Variants in ARSF observed in about 807,000 individuals in gnomAD.
The protein encoded by ARSF is arylsulfatase F.
A neutral mutation model predicts 35.4 loss-of-function variants in ARSF; 33 were observed. That is an observed-to-expected ratio of 0.93 (90% CI 0.71 to 1.25). The LOEUF (loss-of-function observed/expected upper bound fraction) is 1.25. Ranked by LOEUF, ARSF falls within the 50% of genes most tolerant of loss-of-function variation. The probability of loss-of-function intolerance (pLI) is 0.00; values close to 1 mark genes in which losing one functional copy is unlikely to be tolerated. For synonymous variants in ARSF, 222 were observed against 193.1 expected (o/e 1.15, Z -1.24); for missense variants, 501 against 480.2 (o/e 1.04, Z -0.40).
chrX:3,064,202 GA>G (rs1412909625), intron 1 of ARSF, among the ~76,000 whole-genome samples: 4 of 112,090 alleles, frequency 3.6e-5, no homozygotes, highest in Non-Finnish European at 7.5e-5. Context: ...CAGAAATGGG[GA>G]AAAGATTCCC....
intron 5 of ARSF, among the ~76,000 whole-genome samples, chrX:3,081,287 C>T (rs1045552766): frequency 4.5e-5 from 5 of 111,495 alleles, no homozygotes; most frequent in African/African-American, 1.6e-4. Flanking sequence ...ATGGTCCCAG[C>T]TACTCCAGAG....
At chrX:3,051,607 C>T (rs2089997359) in intron 1 of ARSF, among the ~76,000 whole-genome samples, 1 of 111,501 alleles carries the variant, frequency 9.0e-6, no homozygotes, top group Admixed American at 9.6e-5. Flanking sequence ...AAGATTTTTG[C>T]CTTCCAAAGT....
At chrX:3,111,440 T>C (rs5939169) in intron 10 of ARSF, among the ~76,000 whole-genome samples, 15,727 of 110,999 alleles carry the variant, frequency 0.14, 873 homozygotes, top group Middle Eastern at 0.2. Flanking sequence ...ATTAGAATAA[T>C]TGGCACATCC....
At chrX:3,076,759 A>G (rs1355656413) in intron 4 of ARSF, 90 bp downstream of exon 4, 13 of 1,118,563 alleles carry the variant, frequency 1.2e-5, no homozygotes, top group Middle Eastern at 2.5e-4. Context: ...AACAAGTAAA[A>G]AAGGGCTGGG....
chrX:3,083,481 C>CCTATCTAT (rs746160970), intron 5 of ARSF, among the ~76,000 whole-genome samples: 29 of 93,498 alleles, frequency 3.1e-4, no homozygotes, highest in Non-Finnish European at 4.5e-4. Flanking sequence ...TCTCCTCTAT[C>CCTATCTAT]CTATCTATCT....
At chrX:3,051,282 C>T (rs946175602) in intron 1 of ARSF, among the ~76,000 whole-genome samples, 6 of 111,907 alleles carry the variant, frequency 5.4e-5, no homozygotes, top group African/African-American at 1.3e-4. Flanking sequence ...ATGCATAAAG[C>T]CAATCTGTAA....
At chrX:3,092,309 C>G (rs913145123) in intron 7 of ARSF, among the ~76,000 whole-genome samples, 4 of 111,721 alleles carry the variant, frequency 3.6e-5, no homozygotes, top group African/African-American at 1.3e-4. Context: ...TGCACTCAAT[C>G]TCAAAAATCG....
At position 3,096,739 on chromosome X, in the gene ARSF, G is replaced by A. The variant is rs946694500; in HGVS notation, c.968-4348G>A. Among the ~76,000 whole-genome samples the A allele has an allele frequency of 6.3e-5, 7 of 111,618 alleles. 1 individual carries two copies. In the South Asian group the frequency reaches 1.5e-3, roughly 24 times the overall value. On this transcript the variant is annotated intron_variant, in intron 7 of 10. Transcript: ENST00000381127. Reference sequence around the variant, plus strand: ...TGGGAAAGAGAAGGACATTACATTCGGTACAATAAAGTTTTTAAATCAAGG... The same window carrying A: ...TGGGAAAGAGAAGGACATTACATTCAGTACAATAAAGTTTTTAAATCAAGG...
At chrX:3,049,927 C>G (rs1490726191) in intron 1 of ARSF, among the ~76,000 whole-genome samples, 1 of 109,871 alleles carries the variant, frequency 9.1e-6, no homozygotes, top group Non-Finnish European at 1.9e-5. Flanking sequence ...ATGGTGCCAT[C>G]TTGGCTCACT....
chrX:3,095,490 T>C, intron 7 of ARSF, among the ~76,000 whole-genome samples: 1 of 109,015 alleles, frequency 9.2e-6, no homozygotes, highest in East Asian at 2.8e-4. Context: ...TTCTATCTTA[T>C]ATATATCACA....
chrX:3,098,814 C>T (rs1330779520), intron 7 of ARSF, among the ~76,000 whole-genome samples: 3 of 110,599 alleles, frequency 2.7e-5, no homozygotes, highest in Admixed American at 9.7e-5. Context: ...TCTTTATTTT[C>T]CTCCTTATAA....
At chrX:3,066,277 A>G (rs1486810223) in intron 1 of ARSF, among the ~76,000 whole-genome samples, 1 of 111,910 alleles carries the variant, frequency 8.9e-6, no homozygotes, top group Non-Finnish European at 1.9e-5. Flanking sequence ...AGTGTTTAAT[A>G]TAATAGCCAT....
At chrX:3,068,906 A>G (rs1344163506) in intron 2 of ARSF, among the ~76,000 whole-genome samples, 1 of 111,527 alleles carries the variant, frequency 9.0e-6, no homozygotes, top group Non-Finnish European at 1.9e-5. Flanking sequence ...AAAAAATTGT[A>G]CTCTTCTGTG....
At chrX:3,041,832 G>A (rs1283879173) in intron 1 of ARSF, among the ~76,000 whole-genome samples, 169 bp downstream of exon 1, 2 of 112,269 alleles carry the variant, frequency 1.8e-5, no homozygotes, top group African/African-American at 6.5e-5. Context: ...TCAAGTCAAA[G>A]AGTACTCATA....
chrX:3,092,433 G>A (rs1231660914), intron 7 of ARSF, among the ~76,000 whole-genome samples: 1 of 111,541 alleles, frequency 9.0e-6, no homozygotes, highest in Non-Finnish European at 1.9e-5. Context: ...AATTAACAAA[G>A]CTCCCAAAGT....
intron 4 of ARSF, among the ~76,000 whole-genome samples, chrX:3,080,572 T>G (rs980093448): frequency 9.0e-6 from 1 of 111,410 alleles, no homozygotes; most frequent in Admixed American, 9.6e-5. Context: ...CTGCTCACAG[T>G]TCTGGAGGCT....
intron 10 of ARSF, among the ~76,000 whole-genome samples, chrX:3,111,738 C>T (rs2090446348): frequency 9.1e-6 from 1 of 109,547 alleles, no homozygotes; most frequent in South Asian, 4.0e-4. Context: ...TACAACTCAT[C>T]ATCATGTAGA....
In ARSF at chrX:3,078,747, A is replaced by G. The variant is rs182794433; in HGVS notation, c.283+2078A>G. 7.6e-3 allele frequency among the ~76,000 whole-genome samples: 847 copies of G among 111,131 alleles called. 9 individuals carry two copies. The highest frequency in any genetic ancestry group is 0.026 in the African/African-American group (786 of 30,553). The stretch of plus-strand genomic sequence containing the variant: ...ATTCCTGAGCTCAAGTGATCGGCCC[A>G]CCTCGGCCTCCCAAAGTGCTGGGAT... On this transcript the variant is annotated intron_variant, in intron 4 of 10. Transcript: ENST00000381127.
chrX:3,096,833 G>A (rs2090341301), intron 7 of ARSF, among the ~76,000 whole-genome samples: 2 of 111,393 alleles, frequency 1.8e-5, no homozygotes, highest in South Asian at 7.6e-4. Flanking sequence ...AAAAAGGTAT[G>A]TTCAAGTCAT....
Sources: allele counts gnomAD v4.1 joint callset (sites outside exome capture counted in the v4.1 genomes callset), GRCh38; gene constraint gnomAD v4.1.1; transcripts MANE v1.5; gene names NCBI Gene and HGNC (gene_info 2026-07-23, HGNC 2026-07-21).